GPR155: variants seen among roughly 807,000 people sequenced by gnomAD.
GPR155 encodes G protein-coupled receptor 155.
A neutral mutation model predicts 93.1 loss-of-function variants in GPR155; 65 were observed. The observed-to-expected ratio is 0.70, with a 90% CI of 0.57 to 0.86. The LOEUF is 0.86. Ranked by LOEUF, GPR155 falls within the 40% of genes least tolerant of loss-of-function variation. The probability of loss-of-function intolerance (pLI) is 0.00; values close to 1 mark genes in which losing one functional copy is unlikely to be tolerated. For synonymous variants in GPR155, 319 were observed against 360.1 expected (o/e 0.89, Z 1.29); for missense variants, 838 against 1,034.8 (o/e 0.81, Z 2.61).
intron 15 of GPR155, among the ~76,000 whole-genome samples, chr2:174,437,375 T>C (rs1279067863): frequency 6.6e-6 from 1 of 151,876 alleles, no homozygotes; most frequent in African/African-American, 2.4e-5. Flanking sequence ...TATATAAGAA[T>C]TAGAAAAAAA....
chr2:174,461,985 G>T (rs1377401917), intron 7 of GPR155, among the ~76,000 whole-genome samples: 4 of 152,112 alleles, frequency 2.6e-5, no homozygotes, highest in African/African-American at 7.2e-5. Context: ...GCCCAGGCTG[G>T]AGTGCAGAGG....
intron 6 of GPR155, among the ~76,000 whole-genome samples, 184 bp from the exon 7 acceptor site, chr2:174,466,086 A>G (rs977388244): frequency 6.6e-6 from 1 of 152,222 alleles, no homozygotes; most frequent in Non-Finnish European, 1.5e-5. Context: ...CTAAAACTTC[A>G]AACTTTATGT....
At position 174,461,584 on chromosome 2, in the gene GPR155, T is replaced by A. The variant is rs1246132981; in HGVS notation, c.1469+4A>T. The A allele has an allele frequency of 5.6e-6, 9 of 1,601,464 alleles. No homozygotes were observed. The highest frequency in any genetic ancestry group is 7.7e-6 in the Non-Finnish European group (9 of 1,168,608). ...TGTAAGCAAACAGAGAACTACCAACTTACCCCCAGCCAGATATTATGATTA... is the reference window on the plus strand; with the variant it reads ...TGTAAGCAAACAGAGAACTACCAACATACCCCCAGCCAGATATTATGATTA... On this transcript the variant is annotated splice_donor_region_variant and intron_variant, in intron 8 of 15. Coordinates refer to ENST00000392552, the MANE Select transcript of GPR155 (RefSeq NM_152529.7).
chr2:174,437,179 G>A (rs1686810334), intron 15 of GPR155, among the ~76,000 whole-genome samples: 1 of 152,078 alleles, frequency 6.6e-6, no homozygotes, highest in Non-Finnish European at 1.5e-5. Context: ...CCAATTACAC[G>A]AGTGCTGTAC....
intron 1 of GPR155, among the ~76,000 whole-genome samples, chr2:174,484,695 C>G (rs1688423017): frequency 1.3e-5 from 2 of 152,126 alleles, no homozygotes; most frequent in South Asian, 4.1e-4. Context: ...TTTTGAGAGG[C>G]CCAGGCAGGT....
chr2:174,454,625 AGAAGGAAGGAAG>A (rs750579777), intron 10 of GPR155, among the ~76,000 whole-genome samples: 1 of 141,936 alleles, frequency 7.0e-6, no homozygotes, highest in Non-Finnish European at 1.5e-5. Flanking sequence ...GCCTGGGGAA[AGAAGGAAGGAAG>A]GAAGGAAGGA....
intron 4 of GPR155, among the ~76,000 whole-genome samples, chr2:174,470,159 A>G (rs1687950268): frequency 6.6e-6 from 1 of 152,120 alleles, no homozygotes; most frequent in African/African-American, 2.4e-5. Context: ...ATTGCTTTCT[A>G]TGTTTAGAAA....
At chr2:174,474,152 G>A (rs923690116) in intron 2 of GPR155, among the ~76,000 whole-genome samples, 18 of 152,298 alleles carry the variant, frequency 1.2e-4, no homozygotes, top group African/African-American at 4.1e-4. Flanking sequence ...CCTAGAATGA[G>A]GTCAGCAGGT....
chr2:174,436,975 T>C (rs1295571893), intron 15 of GPR155, among the ~76,000 whole-genome samples: 1 of 152,194 alleles, frequency 6.6e-6, no homozygotes, highest in Non-Finnish European at 1.5e-5. Context: ...ACTGATATGT[T>C]TGTCAGAAAT....
intron 7 of GPR155, 137 bp downstream of exon 7, chr2:174,465,648 T>G: frequency 5.7e-6 from 3 of 530,106 alleles, no homozygotes; most frequent in Non-Finnish European, 6.9e-6. Flanking sequence ...ATGGCCTCTG[T>G]GGGTGGGCTG....
chr2:174,452,809 A>G (rs1188629720), intron 11 of GPR155, among the ~76,000 whole-genome samples: 3 of 151,936 alleles, frequency 2.0e-5, no homozygotes, highest in Non-Finnish European at 2.9e-5. Context: ...TTACCACCAC[A>G]CCCAACTAAT....
At chr2:174,475,604 T>C (rs1688142682) in intron 2 of GPR155, among the ~76,000 whole-genome samples, 1 of 152,110 alleles carries the variant, frequency 6.6e-6, no homozygotes, top group East Asian at 1.9e-4. Context: ...TACATAAAAC[T>C]TTATAAGTTC....
At chr2:174,457,016 A>T (rs1305258666) in intron 10 of GPR155, among the ~76,000 whole-genome samples, 1 of 152,202 alleles carries the variant, frequency 6.6e-6, no homozygotes, top group Non-Finnish European at 1.5e-5. Flanking sequence ...TATTTCTTTT[A>T]AAAAAGAAAA....
At chr2:174,482,644 G>A (rs914587648) in intron 1 of GPR155, among the ~76,000 whole-genome samples, 20 of 152,136 alleles carry the variant, frequency 1.3e-4, no homozygotes, top group African/African-American at 4.1e-4. Context: ...TGTCTCCTGG[G>A]TTCAAGCGAT....
intron 13 of GPR155, among the ~76,000 whole-genome samples, chr2:174,443,740 TAAG>T (rs2105672529): frequency 6.6e-6 from 1 of 151,474 alleles, no homozygotes; most frequent in East Asian, 1.9e-4. Context: ...AAAAAAAAAG[TAAG>T]GAGTTAAAGG....
chr2:174,456,107 T>G (rs966516086), intron 10 of GPR155, among the ~76,000 whole-genome samples: 1 of 151,922 alleles, frequency 6.6e-6, no homozygotes, highest in Non-Finnish European at 1.5e-5. Context: ...TTCCCAAAGT[T>G]CTGGGATTAC....
At chr2:174,440,453 C>T (rs891760072) in intron 14 of GPR155, among the ~76,000 whole-genome samples, 4 of 151,946 alleles carry the variant, frequency 2.6e-5, no homozygotes, top group Non-Finnish European at 4.4e-5. Context: ...AACTCGTACT[C>T]CAAAAACTGG....
chr2:174,486,433 G>C (rs537046105), intron 1 of GPR155, among the ~76,000 whole-genome samples: 186 of 152,306 alleles, frequency 1.2e-3, no homozygotes, highest in Non-Finnish European at 2.2e-3. Flanking sequence ...CAGGGCACGG[G>C]AGTCACAACG....
At chr2:174,458,753 T>C (rs1392434664) in intron 10 of GPR155, among the ~76,000 whole-genome samples, 1 of 152,154 alleles carries the variant, frequency 6.6e-6, no homozygotes, top group Non-Finnish European at 1.5e-5. Flanking sequence ...CACGAAGTAT[T>C]TGTCTTCTTT....
Sources: allele counts gnomAD v4.1 joint callset (sites outside exome capture counted in the v4.1 genomes callset), GRCh38; gene constraint gnomAD v4.1.1; transcripts MANE v1.5; gene names NCBI Gene and HGNC (gene_info 2026-07-23, HGNC 2026-07-21).